Variants in COL26A1 observed in about 807,000 individuals in gnomAD.
COL26A1 encodes collagen type XXVI alpha 1 chain, also known as collagen alpha-1(XXVI) chain.
In COL26A1, 41 loss-of-function variants were observed where a neutral mutation model predicts 59.3. That is an observed-to-expected ratio of 0.69 (90% CI 0.54 to 0.90). The LOEUF (loss-of-function observed/expected upper bound fraction) is 0.90. Among genes scored for constraint, COL26A1 ranks in the 40% least tolerant of loss-of-function variants. The pLI is 0.00. For missense variants in COL26A1, 612 were observed against 602.3 expected (o/e 1.02, Z -0.17); for synonymous variants, 266 against 256.0 (o/e 1.04, Z -0.37).
intron 1 of COL26A1, among the ~76,000 whole-genome samples, chr7:101,384,233 T>TTTG (rs1251044613): frequency 1.4e-5 from 2 of 144,022 alleles, no homozygotes; most frequent in African/African-American, 5.3e-5. Flanking sequence ...CAGGCTGGTT[T>TTTG]TTTTTTTTTT....
At chr7:101,510,648 C>T (rs941482320) in intron 3 of COL26A1, among the ~76,000 whole-genome samples, 11 of 152,182 alleles carry the variant, frequency 7.2e-5, no homozygotes, top group African/African-American at 2.7e-4. Flanking sequence ...GCTGGGACTA[C>T]AGGTGAGCAC....
At chr7:101,444,601 G>C (rs1793141567) in intron 2 of COL26A1, among the ~76,000 whole-genome samples, 1 of 151,952 alleles carries the variant, frequency 6.6e-6, no homozygotes, top group Non-Finnish European at 1.5e-5. Flanking sequence ...TTTTAGTAGA[G>C]ATGGGGTTTC....
chr7:101,530,376 C>T (rs1795338906), intron 3 of COL26A1, among the ~76,000 whole-genome samples: 2 of 151,624 alleles, frequency 1.3e-5, no homozygotes, highest in African/African-American at 4.9e-5. Flanking sequence ...CGAGACCAGC[C>T]TGGGCAACAT....
Position 101,557,675 on chromosome 7 carries a change from T to G in COL26A1, c.*145T>G. The G allele has an allele frequency of 1.2e-6, 1 of 829,562 alleles. No homozygotes were observed. The highest frequency in any genetic ancestry group is 1.8e-6 in the Non-Finnish European group (1 of 551,650). The allele number at this position is 829,562 out of a possible 1,614,324, so 51.4% of individuals were successfully genotyped here. A position where few individuals can be genotyped will look rare whatever the true frequency, so the allele number is the denominator to read the frequency against. ...GGACATGGGGGGCTTTGGGGACAGA[T>G]AATGTCTCCAGGGGCAGGGTCTGGA... On this transcript the variant is annotated 3_prime_UTR_variant, in exon 13 of 13. Transcript: ENST00000313669.
intron 1 of COL26A1, among the ~76,000 whole-genome samples, chr7:101,367,916 T>C (rs4727488): frequency 0.58 from 88,118 of 151,970 alleles, 27,127 homozygotes; most frequent in African/African-American, 0.8. Flanking sequence ...AACAGAAGGA[T>C]GTGGCTTTAT....
intron 1 of COL26A1, among the ~76,000 whole-genome samples, chr7:101,417,465 A>G (rs1231492378): frequency 7.1e-6 from 1 of 141,380 alleles, no homozygotes; most frequent in Non-Finnish European, 1.5e-5. Context: ...GACCATACCT[A>G]CCTTAGGACA....
At chr7:101,362,432 T>A (rs892609363), upstream of COL26A1, among the ~76,000 whole-genome samples, 1 of 152,134 alleles carries the variant, frequency 6.6e-6, no homozygotes, top group South Asian at 2.1e-4. Context: ...GAAGCTCTGG[T>A]CAGTTTCTCA....
chr7:101,402,970 C>T (rs571993941), intron 1 of COL26A1, among the ~76,000 whole-genome samples: 11 of 151,958 alleles, frequency 7.2e-5, no homozygotes, highest in East Asian at 1.9e-4. Flanking sequence ...CTCAGCTTCT[C>T]GAGTAGCTGG....
At chr7:101,460,649 C>A (rs1339355440) in intron 3 of COL26A1, among the ~76,000 whole-genome samples, 1 of 152,108 alleles carries the variant, frequency 6.6e-6, no homozygotes, top group South Asian at 2.1e-4. Flanking sequence ...GGCATGGTGG[C>A]ACGCATCTGT....
rs114351536 is a variant in COL26A1, at chr7:101,415,833, G to A, written c.159-4144G>A. Among the ~76,000 whole-genome samples, 289 of 151,948 alleles carry A rather than the reference G, an allele frequency of 1.9e-3. 2 individuals carry two copies. Among genetic ancestry groups the A allele is most frequent in the African/African-American group, 6.7e-3 (277 of 41,486 alleles). ...TATTGTATAGAGATGGGGTCTTGCCGTGTTGCCCAGGTTAGTCTGGAACTT... is the reference window on the plus strand; with the variant it reads ...TATTGTATAGAGATGGGGTCTTGCCATGTTGCCCAGGTTAGTCTGGAACTT... On this transcript the variant is annotated intron_variant, in intron 1 of 12. Transcript: ENST00000313669.
At chr7:101,474,322 T>G (rs1793983307) in intron 3 of COL26A1, among the ~76,000 whole-genome samples, 1 of 151,950 alleles carries the variant, frequency 6.6e-6, no homozygotes, top group South Asian at 2.1e-4. Flanking sequence ...TTGGGCTGGG[T>G]GTGATAGCTT....
intron 4 of COL26A1, among the ~76,000 whole-genome samples, chr7:101,539,319 T>TATGTGTGTGTGC (rs1795555199): frequency 1.3e-5 from 2 of 148,370 alleles, no homozygotes; most frequent in African/African-American, 5.1e-5. Flanking sequence ...TGTGTGTGTG[T>TATGTGTGTGTGC]GCGTATGTGT....
chr7:101,374,362 G>A (rs1404297770), intron 1 of COL26A1, among the ~76,000 whole-genome samples: 2 of 152,152 alleles, frequency 1.3e-5, no homozygotes, highest in African/African-American at 4.8e-5. Context: ...TGTAAAGCAG[G>A]AGTCCCCAAC....
intron 2 of COL26A1, among the ~76,000 whole-genome samples, chr7:101,435,430 G>T (rs1396478571): frequency 6.6e-6 from 1 of 151,956 alleles, no homozygotes; most frequent in African/African-American, 2.4e-5. Context: ...GGCTGGACTG[G>T]ACTGGGTGAC....
At chr7:101,477,276 G>A (rs1457859947) in intron 3 of COL26A1, among the ~76,000 whole-genome samples, 2 of 152,168 alleles carry the variant, frequency 1.3e-5, no homozygotes, top group South Asian at 2.1e-4. Flanking sequence ...GTGTGTCTGC[G>A]TGGGATATGC....
At chr7:101,403,389 T>A (rs908553685) in intron 1 of COL26A1, among the ~76,000 whole-genome samples, 4 of 152,038 alleles carry the variant, frequency 2.6e-5, no homozygotes, top group African/African-American at 7.2e-5. Flanking sequence ...TGTGGTGGTA[T>A]GTGCCTGTAA....
At chr7:101,490,972 T>G (rs116792459) in intron 3 of COL26A1, among the ~76,000 whole-genome samples, 3,049 of 129,476 alleles carry the variant, frequency 0.024, 115 homozygotes, top group African/African-American at 0.094. Flanking sequence ...GGACAGAGAA[T>G]GGCTCTGTCT....
At chr7:101,551,346 C>T (rs1001057871) in intron 10 of COL26A1, among the ~76,000 whole-genome samples, 7 of 152,136 alleles carry the variant, frequency 4.6e-5, no homozygotes, top group Admixed American at 3.3e-4. Context: ...CCAGAGAGTG[C>T]GCTGACAGTC....
chr7:101,429,237 CT>C (rs972226383), intron 2 of COL26A1, among the ~76,000 whole-genome samples: 1 of 151,846 alleles, frequency 6.6e-6, no homozygotes. Flanking sequence ...GCTTTTTTTT[CT>C]AAAAGTTTTA....
Sources: gnomAD v4.1 joint callset for allele counts (sites outside exome capture counted in the v4.1 genomes callset) on GRCh38, gnomAD v4.1.1 for gene constraint, MANE v1.5 for transcripts, NCBI Gene and HGNC (gene_info 2026-07-23, HGNC 2026-07-21) for gene names.